Variants in FMN2 observed in about 807,000 individuals in gnomAD.
FMN2 encodes the protein formin 2, also known as formin-2.
A neutral mutation model predicts 142.3 loss-of-function variants in FMN2; 51 were observed. The observed-to-expected ratio is 0.36, with a 90% CI of 0.29 to 0.45. FMN2 has a LOEUF of 0.45. Ranked by LOEUF, FMN2 falls within the 20% of genes least tolerant of loss-of-function variation. FMN2 has a pLI of 1.00. For synonymous variants in FMN2, 882 were observed against 869.8 expected (o/e 1.01, Z -0.25); for missense variants, 1,936 against 2,122.8 (o/e 0.91, Z 1.73).
In FMN2 at chr1:240,093,137, G is replaced by C. The variant is rs1661060912; in HGVS notation, c.1028G>C (p.Gly343Ala). Residue 343 changes from glycine to alanine, a missense_variant, in exon 1 of 18, where the codon GGG becomes GCG. Gly to Ala is a moderately conservative substitution (Grantham distance 60). Transcript: ENST00000319653. ...EAAGAPVRGA[G>A]DTDEEGEEDA... ...GCCGGAGCCCCCGTGCGAGGGGCTG[G>C]GGACACGGATGAGGAGGGTGAGGAG... 3 of 1,410,612 alleles carry C rather than the reference G, an allele frequency of 2.1e-6. No homozygotes were observed. The East Asian group carries it at 8.5e-5, about 40-fold the overall frequency. The allele number at this position is 1,410,612 out of a possible 1,614,324, so 87.4% of individuals were successfully genotyped here.
intron 15 of FMN2, among the ~76,000 whole-genome samples, chr1:240,423,151 A>G (rs928234894): frequency 6.6e-6 from 1 of 152,202 alleles, no homozygotes; most frequent in Non-Finnish European, 1.5e-5. Flanking sequence ...TTTAGAAGAC[A>G]TGGAGGATCC....
chr1:240,152,955 G>C (rs1663848214), intron 2 of FMN2, among the ~76,000 whole-genome samples: 1 of 152,212 alleles, frequency 6.6e-6, no homozygotes, highest in Non-Finnish European at 1.5e-5. Flanking sequence ...TTTTGGGTGA[G>C]TTACTTATTT....
At chr1:240,284,938 G>T (rs1669534251) in intron 7 of FMN2, among the ~76,000 whole-genome samples, 1 of 152,030 alleles carries the variant, frequency 6.6e-6, no homozygotes, top group Non-Finnish European at 1.5e-5. Flanking sequence ...TCTACTCTCA[G>T]GAACTGGTCA....
chr1:240,400,086 GCAA>G (rs1433514131), intron 15 of FMN2, among the ~76,000 whole-genome samples: 1 of 152,138 alleles, frequency 6.6e-6, no homozygotes, highest in African/African-American at 2.4e-5. Context: ...TGATACAGCA[GCAA>G]CAAGCAAAAT....
At chr1:240,157,780 C>A (rs1464222088) in intron 2 of FMN2, among the ~76,000 whole-genome samples, 1 of 151,960 alleles carries the variant, frequency 6.6e-6, no homozygotes, top group Non-Finnish European at 1.5e-5. Context: ...TCAAGACTGG[C>A]ACTTCAAAAT....
At chr1:240,224,456 T>A (rs1414330016) in intron 6 of FMN2, among the ~76,000 whole-genome samples, 3 of 152,070 alleles carry the variant, frequency 2.0e-5, no homozygotes, top group Non-Finnish European at 4.4e-5. Context: ...AGAATGTATA[T>A]TCTGTTGATT....
intron 15 of FMN2, among the ~76,000 whole-genome samples, chr1:240,424,472 A>G (rs751052200): frequency 6.6e-6 from 1 of 152,198 alleles, no homozygotes; most frequent in Non-Finnish European, 1.5e-5. Context: ...GCCATGAGTT[A>G]TCTCATAATT....
chr1:240,119,463 G>A (rs1192576659), intron 1 of FMN2, among the ~76,000 whole-genome samples: 1 of 152,198 alleles, frequency 6.6e-6, no homozygotes, highest in Admixed American at 6.5e-5. Flanking sequence ...CTCAGCCTGG[G>A]GTTATTTTTG....
chr1:240,400,698 G>A (rs1452808371), intron 15 of FMN2: 1 of 152,066 alleles, frequency 6.6e-6, no homozygotes, highest in Non-Finnish European at 1.5e-5. Context: ...CTCACCATAT[G>A]TACTCTCTCC....
At chr1:240,231,843 G>A (rs35303553) in intron 6 of FMN2, among the ~76,000 whole-genome samples, 23,805 of 152,112 alleles carry the variant, frequency 0.16, 2,274 homozygotes, top group Middle Eastern at 0.22. Context: ...CATCTATCCG[G>A]TCTTATCATC....
rs570524534 is a variant in FMN2, at chr1:240,148,367, C to CAG, written c.1782+25036_1782+25037dup. Among the ~76,000 whole-genome samples the CAG allele has an allele frequency of 3.1e-4, 29 of 92,272 alleles. No individual in the cohort carries two copies. The South Asian group carries it at 4.5e-3, about 14-fold the overall frequency. 60.5% of individuals were successfully genotyped at this position (92,272 alleles called of 152,430 possible). ...AGAGAGAAAGACAGAGAGACAGAGA[C>CAG]AGAGAGAGAGAGAGAAAGACAGAGA... On this transcript the variant is annotated intron_variant, in intron 2 of 17. Coordinates refer to ENST00000319653, the MANE Select transcript of FMN2 (RefSeq NM_020066.5).
rs758828278 is a variant in FMN2 at position 240,092,147 on chromosome 1, G to A, written c.38G>A (p.Gly13Asp). 1 of 1,567,788 alleles carries A rather than the reference G, an allele frequency of 6.4e-7. No individual in the cohort carries two copies. The highest frequency in any genetic ancestry group is 2.3e-5 in the East Asian group (1 of 42,960). ...NQDGKLKRSA[G>D]DALHEGGGGA... ...GATGGGAAGCTGAAGAGGAGCGCAG[G>A]TGATGCTTTGCACGAAGGCGGCGGT... The change falls in exon 1 of 18, where the codon GGT becomes GAT. Residue 13 changes from glycine to aspartate, a missense_variant. Physicochemically the swap from Gly to Asp is moderately conservative, Grantham distance 94. Coordinates refer to ENST00000319653, the MANE Select transcript of FMN2 (RefSeq NM_020066.5).
intron 15 of FMN2, among the ~76,000 whole-genome samples, chr1:240,405,357 G>A (rs1041093291): frequency 1.3e-5 from 2 of 152,164 alleles, no homozygotes; most frequent in African/African-American, 4.8e-5. Context: ...GGTGCCTCAC[G>A]CCTGTAATCC....
intron 1 of FMN2, among the ~76,000 whole-genome samples, chr1:240,115,279 C>A (rs1051160759): frequency 1.3e-5 from 2 of 151,924 alleles, no homozygotes; most frequent in African/African-American, 2.4e-5. Context: ...TATTGTTGGA[C>A]ATTTTAGTTC....
rs775540805 is a variant in FMN2 at position 240,092,624 on chromosome 1, G to A, written c.515G>A (p.Gly172Glu). 7 of 1,614,122 alleles carry A rather than the reference G, an allele frequency of 4.3e-6. No individual in the cohort carries two copies. In the East Asian group the frequency reaches 1.6e-4, roughly 36 times the overall value. The change falls in exon 1 of 18, where the codon GGA becomes GAA. Residue 172 changes from glycine to glutamate, a missense_variant. By Grantham distance (98) the Gly-to-Glu change is moderately conservative (BLOSUM62 -2). Around this residue, in one of 8 missense-constraint regions of FMN2, gnomAD observed 751 missense variants for 791.8 expected, o/e 0.95. Coordinates refer to ENST00000319653, the MANE Select transcript of FMN2 (RefSeq NM_020066.5). ...DVETAAGAQDGQRTSSGSDTD... is the reference protein window; with the variant it reads ...DVETAAGAQDEQRTSSGSDTD... ...GAAACTGCAGCAGGGGCGCAGGATG[G>A]ACAAAGGACCAGCTCGGGCTCGGAC... is the stretch of plus-strand genomic sequence containing the variant.
At chr1:240,464,323 A>G (rs1676542445) in intron 16 of FMN2, among the ~76,000 whole-genome samples, 1 of 151,552 alleles carries the variant, frequency 6.6e-6, no homozygotes, top group Admixed American at 6.5e-5. Flanking sequence ...AGTGTTCTGC[A>G]TCTTATAGAA....
At chr1:240,359,366 A>G (rs1672385447) in intron 14 of FMN2, among the ~76,000 whole-genome samples, 1 of 152,194 alleles carries the variant, frequency 6.6e-6, no homozygotes, top group Non-Finnish European at 1.5e-5. Context: ...TGTATATACA[A>G]GCAAGGTCTT....
intron 2 of FMN2, among the ~76,000 whole-genome samples, chr1:240,174,409 C>G (rs1664831880): frequency 6.6e-6 from 1 of 152,156 alleles, no homozygotes; most frequent in African/African-American, 2.4e-5. Context: ...GGCTAGAGTG[C>G]AGAAGCATAG....
chr1:240,434,894 G>A (rs1040801539), intron 15 of FMN2, among the ~76,000 whole-genome samples: 1 of 151,486 alleles, frequency 6.6e-6, no homozygotes, highest in Non-Finnish European at 1.5e-5. Flanking sequence ...CTTTCAGGGA[G>A]TACTAGTGTA....
Sources: gnomAD v4.1 joint callset for allele counts (sites outside exome capture counted in the v4.1 genomes callset) on GRCh38, gnomAD v4.1.1 for gene constraint, gnomAD v4.1.1 regional missense constraint, MANE v1.5 for transcripts, NCBI Gene and HGNC (gene_info 2026-07-23, HGNC 2026-07-21) for gene names.